Variants in MAPKAPK2 observed in about 807,000 individuals in gnomAD.
MAPKAPK2 encodes MAP kinase-activated protein kinase 2.
MAPKAPK2 carries 9 observed loss-of-function variants against 48.8 expected under a neutral mutation model. The ratio of observed to expected loss-of-function variants is 0.18; its 90% CI spans 0.11 to 0.32. The LOEUF (loss-of-function observed/expected upper bound fraction) is 0.32, where lower values mean the gene tolerates loss of function less well. Ranked by LOEUF, MAPKAPK2 falls within the 10% of genes least tolerant of loss-of-function variation. The pLI, the probability that MAPKAPK2 is intolerant of heterozygous loss-of-function variation, is 1.00. For missense variants in MAPKAPK2, 331 were observed against 498.3 expected, an observed-to-expected ratio of 0.66 and a Z score of 3.20; for synonymous variants, 202 against 190.6, an observed-to-expected ratio of 1.06 and a Z score of -0.49.
chr1:206,708,050 C>T (rs1346305337), intron 1 of MAPKAPK2, among the ~76,000 whole-genome samples: 1 of 152,244 alleles, frequency 6.6e-6, no homozygotes, highest in Non-Finnish European at 1.5e-5. Flanking sequence ...CCTTCAACCA[C>T]AGCCAGAGAG....
intron 1 of MAPKAPK2, among the ~76,000 whole-genome samples, chr1:206,724,281 C>T (rs1456953674): frequency 6.6e-6 from 1 of 152,206 alleles, no homozygotes; most frequent in African/African-American, 2.4e-5. Flanking sequence ...TTCCCTGTCT[C>T]TTCTTTGGCT....
intron 1 of MAPKAPK2, among the ~76,000 whole-genome samples, chr1:206,703,624 G>C (rs1333140719): frequency 6.6e-6 from 1 of 152,188 alleles, no homozygotes; most frequent in Non-Finnish European, 1.5e-5. Flanking sequence ...TTTATCCTAA[G>C]GTGATGCAGC....
intron 1 of MAPKAPK2, chr1:206,695,866 T>C: frequency 3.7e-6 from 2 of 545,802 alleles, no homozygotes; most frequent in South Asian, 2.0e-5. Context: ...CTGCGGGTGC[T>C]GTCAGAGGGG....
intron 1 of MAPKAPK2, among the ~76,000 whole-genome samples, chr1:206,722,690 A>C (rs1189809363): frequency 1.3e-5 from 2 of 152,214 alleles, no homozygotes; most frequent in Non-Finnish European, 2.9e-5. Context: ...GGGTTGTTCA[A>C]GGGCCAACAG....
chr1:206,698,682 G>A (rs1553427425), intron 1 of MAPKAPK2, among the ~76,000 whole-genome samples: 1 of 152,158 alleles, frequency 6.6e-6, no homozygotes, highest in African/African-American at 2.4e-5. Flanking sequence ...CCCTTTTACT[G>A]CAAAGTGAAA....
chr1:206,706,179 C>G (rs1220978913), intron 1 of MAPKAPK2, among the ~76,000 whole-genome samples: 1 of 151,540 alleles, frequency 6.6e-6, no homozygotes, highest in Non-Finnish European at 1.5e-5. Flanking sequence ...TAAAAGGCTG[C>G]TTTTCCCCTC....
At chr1:206,722,979 G>T (rs1245999163) in intron 1 of MAPKAPK2, among the ~76,000 whole-genome samples, 1 of 152,252 alleles carries the variant, frequency 6.6e-6, no homozygotes, top group African/African-American at 2.4e-5. Flanking sequence ...TGCCTCCTGG[G>T]AGTGAAGAGG....
At chr1:206,705,389 G>A (rs946860160) in intron 1 of MAPKAPK2, among the ~76,000 whole-genome samples, 2 of 152,212 alleles carry the variant, frequency 1.3e-5, no homozygotes, top group South Asian at 2.1e-4. Context: ...CTGGGAAGCA[G>A]CAATGTGCAG....
chr1:206,699,331 G>A (rs553448893), intron 1 of MAPKAPK2, among the ~76,000 whole-genome samples: 1 of 152,298 alleles, frequency 6.6e-6, no homozygotes, highest in South Asian at 2.1e-4. Flanking sequence ...TTCAAGGTGG[G>A]AGGAAGTAGA....
intron 1 of MAPKAPK2, among the ~76,000 whole-genome samples, chr1:206,726,884 C>G (rs7547594): frequency 0.2 from 30,630 of 152,170 alleles, 3,227 homozygotes; most frequent in South Asian, 0.31. Flanking sequence ...CAAGCTGGCT[C>G]CATCATGGCC....
At chr1:206,712,753 G>A (rs1673194134) in intron 1 of MAPKAPK2, among the ~76,000 whole-genome samples, 1 of 152,014 alleles carries the variant, frequency 6.6e-6, no homozygotes, top group African/African-American at 2.4e-5. Flanking sequence ...ATGACTTGAG[G>A]TCAGGAGTTT....
chr1:206,733,529 G>C lies in MAPKAPK2; in HGVS notation c.*811G>C, dbSNP rs931774421. 1 of 152,308 alleles carries C rather than the reference G, an allele frequency of 6.6e-6. No individual in the cohort carries two copies. The highest frequency in any genetic ancestry group is 1.5e-5 in the Non-Finnish European group (1 of 68,134). 9.4% of individuals were successfully genotyped at this position (152,308 alleles called of 1,614,324 possible). A position where few individuals can be genotyped will look rare whatever the true frequency, so the allele number is the denominator to read the frequency against. The stretch of plus-strand genomic sequence containing the variant: ...GTCTCTATTAGCTGGGTTCCGGGAG[G>C]CAGAGAGGAGTGACCGGGCACTGGC... On this transcript the variant is annotated 3_prime_UTR_variant, in exon 10 of 10. Coordinates refer to ENST00000367103, the MANE Select transcript of MAPKAPK2 (RefSeq NM_032960.4).
chr1:206,731,927 G>A lies in MAPKAPK2; in HGVS notation c.1059+8G>A, dbSNP rs782689474. 4 of 1,614,042 alleles carry A rather than the reference G, an allele frequency of 2.5e-6. No individual in the cohort carries two copies. The highest frequency in any genetic ancestry group is 3.3e-5 in the Admixed American group (2 of 60,006). On this transcript the variant is annotated splice_region_variant and intron_variant, in intron 9 of 9. Coordinates refer to ENST00000367103, the MANE Select transcript of MAPKAPK2 (RefSeq NM_032960.4). The surrounding 1 kb of genome is among the most constrained non-coding windows in gnomAD (Gnocchi z 5.9). ...CGGTGGGAGGATGTCAAGGTGAGGG[G>A]CACCACTGGGTGAGAGGGGCTCCAG... is the stretch of plus-strand genomic sequence containing the variant.
chr1:206,717,800 T>C (rs1251482353), intron 1 of MAPKAPK2, among the ~76,000 whole-genome samples: 1 of 152,164 alleles, frequency 6.6e-6, no homozygotes, highest in Non-Finnish European at 1.5e-5. Context: ...ACCCTTTTAC[T>C]TAATTTTTTT....
In MAPKAPK2 at chr1:206,695,510, A is replaced by G. The variant is rs186754926; in HGVS notation, c.279+10002A>G. Among the ~76,000 whole-genome samples the G allele has an allele frequency of 1.1e-3, 133 of 126,198 alleles. 1 individual carries two copies. Among genetic ancestry groups the G allele is most frequent in the African/African-American group, 4.0e-3 (131 of 32,498 alleles). The allele number at this position is 126,198 out of a possible 152,430, so 82.8% of individuals were successfully genotyped here. The stretch of plus-strand genomic sequence containing the variant: ...TTTCTCCCCAGCTTAAGTGGCTTAT[A>G]TATGTTGTTTCTTTAACAGAACTGT... On this transcript the variant is annotated intron_variant, in intron 1 of 9. Transcript: ENST00000367103.
chr1:206,685,201 C>G lies in MAPKAPK2; in HGVS notation c.-29C>G. ...GAGGAGGGGGCGGCCGCGGGCACCC[C>G]CGCCTGTGCCCCGGCGTCCCCGGGC... On this transcript the variant is annotated 5_prime_UTR_variant, in exon 1 of 10. Transcript: ENST00000367103. The G allele has an allele frequency of 3.0e-6, 1 of 336,304 alleles. No individual in the cohort carries two copies. The highest frequency in any genetic ancestry group is 7.8e-5 in the South Asian group (1 of 12,818). The allele number at this position is 336,304 out of a possible 1,614,324, so 20.8% of individuals were successfully genotyped here.
intron 1 of MAPKAPK2, among the ~76,000 whole-genome samples, chr1:206,698,516 A>C (rs573256407): frequency 6.6e-6 from 1 of 152,224 alleles, no homozygotes; most frequent in African/African-American, 2.4e-5. Flanking sequence ...AGACTTTGAT[A>C]CAATATAACA....
chr1:206,694,946 G>A (rs1328828818), intron 1 of MAPKAPK2, among the ~76,000 whole-genome samples: 1 of 152,192 alleles, frequency 6.6e-6, no homozygotes, highest in Non-Finnish European at 1.5e-5. Flanking sequence ...CACGCCAAGT[G>A]CTGTCATTCC....
rs1020944060 is a variant in MAPKAPK2 at position 206,704,910 on chromosome 1, C to T, written c.279+19402C>T. 6.6e-6 allele frequency among the ~76,000 whole-genome samples: 1 copy of T among 152,156 alleles called. No individual in the cohort carries two copies. Among genetic ancestry groups the T allele is most frequent in the African/African-American group, 2.4e-5 (1 of 41,426 alleles). ...GAGCCGCCCGTTTCTCCAAGTGCAG[C>T]GCCAGTCCCGAGACACTCTGTGATC... is the stretch of plus-strand genomic sequence containing the variant. On this transcript the variant is annotated intron_variant, in intron 1 of 9. Coordinates refer to ENST00000367103, the MANE Select transcript of MAPKAPK2 (RefSeq NM_032960.4). The surrounding 1 kb of genome is among the most constrained non-coding windows in gnomAD (Gnocchi z 4.3).
Sources: allele counts gnomAD v4.1 joint callset (sites outside exome capture counted in the v4.1 genomes callset), GRCh38; gene constraint gnomAD v4.1.1; non-coding constraint Gnocchi (gnomAD v3.1); transcripts MANE v1.5; gene names NCBI Gene and HGNC (gene_info 2026-07-23, HGNC 2026-07-21).